Variants in TSPAN10 observed in about 807,000 individuals in gnomAD.
TSPAN10 encodes the protein tetraspanin-10.
TSPAN10 carries 11 observed loss-of-function variants against 15.0 expected under a neutral mutation model. That is an observed-to-expected ratio of 0.73 (90% confidence interval 0.46 to 1.21). TSPAN10 has a LOEUF of 1.21. TSPAN10 is among the 50% of genes most tolerant of loss of function. The probability of loss-of-function intolerance (pLI) is 0.00; values close to 1 mark genes in which losing one functional copy is unlikely to be tolerated. For synonymous variants in TSPAN10, 241 were observed against 226.2 expected (o/e 1.07, Z -0.59); for missense variants, 486 against 470.6 (o/e 1.03, Z -0.30).
chr17:81,643,857 C>T (rs776294493), intron 1 of TSPAN10, among the ~76,000 whole-genome samples: 2 of 152,048 alleles, frequency 1.3e-5, no homozygotes, highest in African/African-American at 4.8e-5. Flanking sequence ...CTCGCTCTGT[C>T]ACCCAGGCTG....
intron 1 of TSPAN10, among the ~76,000 whole-genome samples, chr17:81,643,062 TGGCACAACCTC>T (rs948416915): frequency 3.3e-5 from 5 of 150,132 alleles, no homozygotes; most frequent in African/African-American, 1.2e-4. Flanking sequence ...TGGAGTGCAG[TGGCACAACCTC>T]GGCTCACTGC....
rs758924810 is a variant in TSPAN10 at position 81,645,525 on chromosome 17, C to G, written c.570C>G (p.Ile190Met). 20 of 1,593,896 alleles carry G rather than the reference C, an allele frequency of 1.3e-5. No homozygotes were observed. The Admixed American group carries it at 2.5e-4, about 20-fold the overall frequency. The change falls in exon 2 of 3, where the codon ATC becomes ATG. Residue 190 changes from isoleucine (I) to methionine (M), a missense_variant. Transcript: ENST00000611590. The stretch of plus-strand genomic sequence containing the variant: ...TGGAGCACACCCTGCGTGTGGCCAT[C>G]GCCCACTACCAGGACGACCCAGACC...
At chr17:81,644,814 G>T in intron 1 of TSPAN10, among the ~76,000 whole-genome samples, 178 bp from the exon 3 acceptor site, 1 of 152,346 alleles carries the variant, frequency 6.6e-6, no homozygotes, top group East Asian at 1.9e-4. Context: ...CGAGCGGGAC[G>T]GCCCTGAGGG....
upstream of TSPAN10, chr17:81,639,200 C>CTTTTTTTTTTT (rs757994889): frequency 2.6e-5 from 3 of 115,252 alleles, no homozygotes; most frequent in Non-Finnish European, 4.9e-5. Flanking sequence ...TTTGGAATTA[C>CTTTTTTTTTTT]TTTTCTTTTT....
At chr17:81,648,119 C>G (rs1247773327) in exon 3 of TSPAN10, 1 of 1,557,632 alleles carries the variant, frequency 6.4e-7, no homozygotes, top group Admixed American at 1.9e-5. Flanking sequence ...GGCGGCTACG[C>G]AATCGCGGTG....
chr17:81,645,409 G>T (rs1282347881), exon 2 of TSPAN10: 1 of 1,603,336 alleles, frequency 6.2e-7, no homozygotes. Flanking sequence ...CCTGTTACGT[G>T]GCTTCTCTGG....
chr17:81,637,197 C>T (rs1332444037), upstream of TSPAN10: 1 of 464,452 alleles, frequency 2.2e-6, no homozygotes, highest in Non-Finnish European at 3.8e-6. Flanking sequence ...CGCTGACCCG[C>T]CCCCGCCATC....
At chr17:81,641,494 T>G (rs1598708460), upstream of TSPAN10, among the ~76,000 whole-genome samples, 1 of 151,952 alleles carries the variant, frequency 6.6e-6, no homozygotes, top group African/African-American at 2.4e-5. Flanking sequence ...AGGTGACCTT[T>G]CCTCCTAAAA....
intron 1 of TSPAN10, among the ~76,000 whole-genome samples, chr17:81,644,089 T>C (rs35555777): frequency 0.5 from 74,541 of 148,834 alleles, 20,660 homozygotes; most frequent in East Asian, 0.99. Flanking sequence ...CCTCAGGTGA[T>C]CCACCCACCT....
chr17:81,648,614 C>G (rs2036294574), downstream of TSPAN10: 1 of 235,202 alleles, frequency 4.3e-6, no homozygotes, highest in Non-Finnish European at 8.2e-6. Context: ...ACCTCCCTCC[C>G]CTGGGGCCGC....
intron 1 of TSPAN10, among the ~76,000 whole-genome samples, chr17:81,642,834 T>C (rs1419683106): frequency 6.6e-6 from 1 of 152,064 alleles, no homozygotes; most frequent in Non-Finnish European, 1.5e-5. Context: ...TAGTGACTTG[T>C]TGAGGTCTTG....
At chr17:81,638,634 T>C (rs982766424), upstream of TSPAN10, 1 of 152,274 alleles carries the variant, frequency 6.6e-6, no homozygotes, top group Middle Eastern at 3.1e-3. Flanking sequence ...TTGGTGGGTA[T>C]GGGGTCAGAA....
chr17:81,640,691 A>C (rs993895730), upstream of TSPAN10, among the ~76,000 whole-genome samples: 17 of 151,580 alleles, frequency 1.1e-4, no homozygotes, highest in Non-Finnish European at 1.6e-4. Flanking sequence ...CTCATGATCC[A>C]CCTGCCTCGG....
upstream of TSPAN10, among the ~76,000 whole-genome samples, chr17:81,641,805 G>A (rs560770166): frequency 1.8e-5 from 2 of 108,472 alleles, no homozygotes; most frequent in East Asian, 0.029. Flanking sequence ...GTAGTCCCGG[G>A]AGGCGAGGTT....
upstream of TSPAN10, chr17:81,639,322 C>T (rs2036155738): frequency 6.6e-6 from 1 of 151,514 alleles, no homozygotes; most frequent in Admixed American, 6.6e-5. Flanking sequence ...ATTCTCCTGC[C>T]TCAGCCTCCT....
exon 3 of TSPAN10, chr17:81,648,004 T>C (rs1310341918): frequency 3.1e-6 from 5 of 1,610,294 alleles, no homozygotes; most frequent in South Asian, 1.1e-5. Flanking sequence ...CCAGTGCGGC[T>C]TCGGGGTCCT....
intron 1 of TSPAN10, among the ~76,000 whole-genome samples, chr17:81,642,995 TTATATATATATATA>T (rs71968441): frequency 7.7e-5 from 11 of 143,136 alleles, no homozygotes; most frequent in African/African-American, 2.8e-4. Flanking sequence ...CTACAAAATA[TTATATATATATATA>T]TATATATATA....
intron 1 of TSPAN10, 112 bp from the exon 3 acceptor site, chr17:81,644,880 G>A (rs539226879): frequency 8.9e-6 from 13 of 1,459,480 alleles, no homozygotes; most frequent in African/African-American, 4.3e-5. Context: ...TCCGCCATCC[G>A]GCATCCTCCC....
At chr17:81,639,388 A>G (rs2036156559), upstream of TSPAN10, among the ~76,000 whole-genome samples, 2 of 151,296 alleles carry the variant, frequency 1.3e-5, no homozygotes, top group Admixed American at 1.3e-4. Flanking sequence ...TTATATCTTT[A>G]GTAGAGACAG....
Sources: allele counts gnomAD v4.1 joint callset (sites outside exome capture counted in the v4.1 genomes callset), GRCh38; gene constraint gnomAD v4.1.1; transcripts MANE v1.5; gene names NCBI Gene and HGNC (gene_info 2026-07-23, HGNC 2026-07-21).